PTPRD: variants seen among roughly 807,000 people sequenced by gnomAD.
PTPRD encodes the protein protein tyrosine phosphatase receptor type D.
In PTPRD, 34 loss-of-function variants were observed where a neutral mutation model predicts 214.5. That is an observed-to-expected ratio of 0.16 (90% CI 0.12 to 0.21). The LOEUF is 0.21. PTPRD is among the 10% of genes least tolerant of loss of function. The pLI is 1.00. For synonymous variants in PTPRD, 1,128 were observed against 845.7 expected (o/e 1.33, Z -5.79); for missense variants, 2,545 against 2,398.7 (o/e 1.06, Z -1.27).
At chr9:9,763,904 C>A (rs373667708) in intron 6 of PTPRD, among the ~76,000 whole-genome samples, 92 of 151,720 alleles carry the variant, frequency 6.1e-4, no homozygotes, top group African/African-American at 2.0e-3. Context: ...CGACCTCTCA[C>A]CCTCATGCCT....
chr9:10,198,734 T>C (rs184784757), intron 3 of PTPRD, among the ~76,000 whole-genome samples: 113 of 152,266 alleles, frequency 7.4e-4, no homozygotes, highest in African/African-American at 2.6e-3. Flanking sequence ...TAAGCCTTTT[T>C]AGTTCTCCAA....
intron 11 of PTPRD, among the ~76,000 whole-genome samples, chr9:8,903,626 T>C (rs1467756822): frequency 6.6e-6 from 1 of 152,194 alleles, no homozygotes; most frequent in Non-Finnish European, 1.5e-5. Flanking sequence ...GTAAACCTCC[T>C]TAAAATAAAA....
chr9:8,814,913 G>A (rs1487897652), intron 11 of PTPRD, among the ~76,000 whole-genome samples: 1 of 152,162 alleles, frequency 6.6e-6, no homozygotes, highest in Non-Finnish European at 1.5e-5. Context: ...GCTTTCTGGA[G>A]AAGAGCGTTC....
intron 44 of PTPRD, among the ~76,000 whole-genome samples, chr9:8,326,591 G>A (rs1458471822): frequency 2.6e-5 from 4 of 151,582 alleles, no homozygotes; most frequent in African/African-American, 9.7e-5. Context: ...CATAAAATGA[G>A]TTAGGAAGGA....
chr9:9,548,405 CTTTTTTTT>C (rs1157663823), intron 8 of PTPRD, among the ~76,000 whole-genome samples: 3 of 118,542 alleles, frequency 2.5e-5, no homozygotes, highest in Non-Finnish European at 3.5e-5. Context: ...GACTTTTTTT[CTTTTTTTT>C]TTTTTTTTTT....
intron 9 of PTPRD, among the ~76,000 whole-genome samples, chr9:9,188,788 G>C (rs1183295863): frequency 6.7e-6 from 1 of 148,510 alleles, no homozygotes; most frequent in Non-Finnish European, 1.5e-5. Context: ...CCTGGTCACA[G>C]AATTTTAGTG....
rs145779124 is a variant in PTPRD at position 10,510,187 on chromosome 9, A to T, written c.-600+102211T>A. The stretch of plus-strand genomic sequence containing the variant: ...AAATGTCAATTTGCCAAAGTTGCTT[A>T]GTTTCATTCCTTTCTTTCCCATACC... On this transcript the variant is annotated intron_variant, in intron 2 of 45. Coordinates refer to ENST00000381196, the MANE Select transcript of PTPRD (RefSeq NM_002839.4). 7.6e-4 allele frequency among the ~76,000 whole-genome samples: 115 copies of T among 152,184 alleles called. 1 individual carries two copies. In the East Asian group the frequency reaches 0.021, roughly 27 times the overall value.
At chr9:9,552,184 T>C (rs901159233) in intron 8 of PTPRD, among the ~76,000 whole-genome samples, 7 of 152,012 alleles carry the variant, frequency 4.6e-5, no homozygotes, top group East Asian at 1.9e-4. Context: ...TAAATTGATT[T>C]ACCCAGTCTG....
chr9:9,402,976 A>AACC (rs2071354984), intron 8 of PTPRD, among the ~76,000 whole-genome samples: 1 of 140,366 alleles, frequency 7.1e-6, no homozygotes, highest in African/African-American at 2.7e-5. Flanking sequence ...GAAAAAAAAA[A>AACC]AAAAAAAAAA....
intron 7 of PTPRD, among the ~76,000 whole-genome samples, chr9:9,732,178 G>T (rs775274273): frequency 4.6e-5 from 7 of 152,000 alleles, no homozygotes; most frequent in African/African-American, 1.7e-4. Context: ...AGTGATGGTG[G>T]GGCTTGTAAA....
chr9:9,203,051 T>C (rs889088863), intron 9 of PTPRD, among the ~76,000 whole-genome samples: 2 of 152,192 alleles, frequency 1.3e-5, no homozygotes, highest in East Asian at 1.9e-4. Context: ...ATTTGCCATG[T>C]CAATCTAGAA....
intron 2 of PTPRD, among the ~76,000 whole-genome samples, chr9:10,604,594 G>A (rs1382426038): frequency 6.6e-6 from 1 of 151,830 alleles, no homozygotes; most frequent in East Asian, 1.9e-4. Flanking sequence ...AGGTATAAAT[G>A]ATGAGGCTAA....
chr9:10,063,572 C>T (rs2097819613), intron 3 of PTPRD, among the ~76,000 whole-genome samples: 1 of 151,998 alleles, frequency 6.6e-6, no homozygotes, highest in South Asian at 2.1e-4. Context: ...CAGATAGCTA[C>T]TCTATGGCAG....
In PTPRD at chr9:9,731,719, G is replaced by A. The variant is rs149645483; in HGVS notation, c.-287+2814C>T. Among the ~76,000 whole-genome samples the A allele has an allele frequency of 1.5e-3, 223 of 152,170 alleles. 1 individual carries two copies. The highest frequency in any genetic ancestry group is 4.8e-3 in the African/African-American group (198 of 41,524). On this transcript the variant is annotated intron_variant, in intron 7 of 45. Coordinates refer to ENST00000381196, the MANE Select transcript of PTPRD (RefSeq NM_002839.4). ...CAAACTATCACAAGGACAAAAAACCGAACACCGCATGTTCTCACTCATGGG... is the reference window on the plus strand; with the variant it reads ...CAAACTATCACAAGGACAAAAAACCAAACACCGCATGTTCTCACTCATGGG...
chr9:8,376,055 G>C lies in PTPRD; in HGVS notation c.4542C>G (p.Phe1514Leu), dbSNP rs762070297. The change falls in exon 39 of 46, where the codon TTC becomes TTG. Residue 1514 changes from phenylalanine (F) to leucine (L), a missense_variant. Coordinates refer to ENST00000381196, the MANE Select transcript of PTPRD (RefSeq NM_002839.4). ...GSSEKREVRQFQFTAWPDHGV... is the reference protein window; with the variant it reads ...GSSEKREVRQLQFTAWPDHGV... Reference sequence around the variant, plus strand: ...CATGATCAGGCCAGGCGGTGAACTGGAATTGTCTCACTTCTCTCTTCTCAC... The same window carrying C: ...CATGATCAGGCCAGGCGGTGAACTGCAATTGTCTCACTTCTCTCTTCTCAC... 2.0e-5 allele frequency: 33 copies of C among 1,612,774 alleles called. No homozygotes were observed. Among genetic ancestry groups the C allele is most frequent in the Non-Finnish European group, 2.8e-5 (33 of 1,179,264 alleles).
At chr9:10,184,647 G>A (rs1312229645) in intron 3 of PTPRD, among the ~76,000 whole-genome samples, 1 of 152,082 alleles carries the variant, frequency 6.6e-6, no homozygotes, top group Non-Finnish European at 1.5e-5. Context: ...CTCTTTCCCT[G>A]GTAAGAACCA....
intron 5 of PTPRD, among the ~76,000 whole-genome samples, chr9:9,822,904 T>C (rs2051289100): frequency 6.6e-6 from 1 of 152,112 alleles, no homozygotes; most frequent in Admixed American, 6.6e-5. Flanking sequence ...AAAAACAGAA[T>C]GGTACGTCCA....
chr9:9,621,895 A>G (rs181058457), intron 7 of PTPRD, among the ~76,000 whole-genome samples: 2 of 152,166 alleles, frequency 1.3e-5, no homozygotes, highest in African/African-American at 4.8e-5. Flanking sequence ...TTTACAACAT[A>G]TTCCTCTTGA....
chr9:9,231,337 C>A (rs1028780036), intron 9 of PTPRD, among the ~76,000 whole-genome samples: 2 of 152,034 alleles, frequency 1.3e-5, no homozygotes, highest in African/African-American at 2.4e-5. Context: ...ATTAGAAATA[C>A]AATACTCTCT....
Sources: allele counts gnomAD v4.1 joint callset (sites outside exome capture counted in the v4.1 genomes callset), GRCh38; gene constraint gnomAD v4.1.1; transcripts MANE v1.5; gene names NCBI Gene and HGNC (gene_info 2026-07-23, HGNC 2026-07-21).